KIF26B: variants seen among roughly 807,000 people sequenced by gnomAD.
The protein encoded by KIF26B is kinesin-like protein KIF26B.
KIF26B carries 63 observed loss-of-function variants against 151.2 expected under a neutral mutation model. That is an observed-to-expected ratio of 0.42 (90% CI 0.34 to 0.51). The LOEUF (loss-of-function observed/expected upper bound fraction) is 0.51, where lower values mean the gene tolerates loss of function less well. Among genes scored for constraint, KIF26B ranks in the 20% least tolerant of loss-of-function variants. KIF26B has a pLI of 0.07. For missense variants in KIF26B, 2,813 were observed against 2,913.6 expected (o/e 0.97, Z 0.79); for synonymous variants, 1,357 against 1,262.1 (o/e 1.08, Z -1.59).
chr1:245,422,284 C>T (rs954061737), intron 4 of KIF26B, among the ~76,000 whole-genome samples: 1 of 151,914 alleles, frequency 6.6e-6, no homozygotes, highest in Admixed American at 6.6e-5. Flanking sequence ...TATAGATTTC[C>T]CCCCCACCCT....
chr1:245,379,789 G>A (rs747524890), intron 3 of KIF26B, among the ~76,000 whole-genome samples: 2 of 151,946 alleles, frequency 1.3e-5, no homozygotes, highest in Non-Finnish European at 2.9e-5. Context: ...TGGCTAAGAT[G>A]CTGAAACCCC....
In KIF26B at chr1:245,367,149, G is replaced by T. The variant is rs538698748; in HGVS notation, c.781G>T (p.Ala261Ser). The change falls in exon 3 of 15, where the codon GCC becomes TCC. Residue 261 changes from alanine to serine, a missense_variant. Ala to Ser is a moderately conservative substitution (Grantham distance 99, BLOSUM62 1). Coordinates refer to ENST00000407071, the MANE Select transcript of KIF26B (RefSeq NM_018012.4). This position sits in a 1 kb window ranked among gnomAD's most constrained non-coding sequence, Gnocchi z 4.2. ...TGCCACCTCCAACTACACAGGCTTC[G>T]CCAACAAGCACGGCAGCAAACCCAG... ...PCATSNYTGFANKHGSKPSSL... is the reference protein window; with the variant it reads ...PCATSNYTGFSNKHGSKPSSL... 3 of 1,602,500 alleles carry T rather than the reference G, an allele frequency of 1.9e-6. No individual in the cohort carries two copies. The highest frequency in any genetic ancestry group is 2.6e-6 in the Non-Finnish European group (3 of 1,174,498).
At chr1:245,350,776 ATCTCT>A (rs1672551985) in intron 2 of KIF26B, among the ~76,000 whole-genome samples, 1 of 152,200 alleles carries the variant, frequency 6.6e-6, no homozygotes, top group Non-Finnish European at 1.5e-5. Flanking sequence ...GAGAGGGGAC[ATCTCT>A]TCTCTTTGGT....
intron 2 of KIF26B, among the ~76,000 whole-genome samples, chr1:245,361,458 G>A (rs996212864): frequency 6.6e-6 from 1 of 152,192 alleles, no homozygotes; most frequent in African/African-American, 2.4e-5. Flanking sequence ...TTTACATTCA[G>A]CGTGTTCACG....
At chr1:245,684,121 G>A in intron 10 of KIF26B, 112 bp from the exon 11 acceptor site, 2 of 1,143,716 alleles carry the variant, frequency 1.7e-6, no homozygotes, top group Non-Finnish European at 2.5e-6. Flanking sequence ...ATTAAAAAGG[G>A]TGGGGGGACC....
chr1:245,160,888 C>T (rs1668520255), intron 2 of KIF26B, among the ~76,000 whole-genome samples: 1 of 152,076 alleles, frequency 6.6e-6, no homozygotes, highest in African/African-American at 2.4e-5. Context: ...TAGATATCCC[C>T]ACATGCATAT....
rs983187196 is a variant in KIF26B, at chr1:245,227,595, G to A, written c.465+70912G>A. ...GTGGAATTTAAAACTTGTAATGATA[G>A]GAGAAGGGAAGAACACAGTTACAGT... On this transcript the variant is annotated intron_variant, in intron 2 of 14. Transcript: ENST00000407071. This position sits in a 1 kb window ranked among gnomAD's most constrained non-coding sequence, Gnocchi z 4.1. 6.6e-6 allele frequency among the ~76,000 whole-genome samples: 1 copy of A among 152,212 alleles called. No individual in the cohort carries two copies. The highest frequency in any genetic ancestry group is 2.4e-5 in the African/African-American group (1 of 41,460).
At chr1:245,669,104 C>T (rs78461995) in intron 10 of KIF26B, among the ~76,000 whole-genome samples, 76 of 152,182 alleles carry the variant, frequency 5.0e-4, no homozygotes, top group Non-Finnish European at 9.1e-4. Context: ...ATTTGTTCCT[C>T]GACAATACAC....
intron 3 of KIF26B, among the ~76,000 whole-genome samples, chr1:245,417,674 G>T (rs1287965582): frequency 1.3e-5 from 2 of 152,314 alleles, no homozygotes; most frequent in South Asian, 2.1e-4. Flanking sequence ...AAATTCATTT[G>T]CCCAGAGACA....
chr1:245,568,134 G>A (rs60628562), intron 5 of KIF26B, among the ~76,000 whole-genome samples: 13,141 of 133,784 alleles, frequency 0.098, 706 homozygotes, highest in Middle Eastern at 0.2. Flanking sequence ...GCAGTGAGCC[G>A]AGATCATGTC....
intron 2 of KIF26B, among the ~76,000 whole-genome samples, chr1:245,185,207 T>C (rs1350263042): frequency 6.6e-6 from 1 of 151,886 alleles, no homozygotes; most frequent in African/African-American, 2.4e-5. Flanking sequence ...GGTGCAATCT[T>C]GGTTCACTGC....
chr1:245,657,453 T>C (rs1328140605), intron 10 of KIF26B, among the ~76,000 whole-genome samples: 2 of 152,194 alleles, frequency 1.3e-5, no homozygotes, highest in Non-Finnish European at 2.9e-5. Flanking sequence ...AAGACGGGAT[T>C]TTTGTTTTCT....
chr1:245,260,051 A>G (rs1487675786), intron 2 of KIF26B, among the ~76,000 whole-genome samples: 5 of 151,796 alleles, frequency 3.3e-5, no homozygotes, highest in African/African-American at 1.2e-4. Context: ...GAGAGGTGAA[A>G]GGATGTACCT....
intron 14 of KIF26B, among the ~76,000 whole-genome samples, chr1:245,701,010 A>G (rs138026739): frequency 1.9e-3 from 285 of 152,236 alleles, no homozygotes; most frequent in African/African-American, 6.6e-3. Flanking sequence ...GGCAGACTTG[A>G]CTTGAAAATT....
rs779424829 is a variant in KIF26B, at chr1:245,686,738, G to C, written c.3755G>C (p.Ser1252Thr). ...AGCACGGCCCCCGTCTCCGAGGTCA[G>C]CATCACACAGTTCTTGCCCCTCCCG... ...YSSTAPVSEV[S>T]ITQFLPLPKM... The change falls in exon 12 of 15, where the codon AGC (serine) becomes ACC (threonine). Residue 1252 changes from serine to threonine, a missense_variant. Ser to Thr is a moderately conservative substitution (Grantham distance 58). Around this residue, in one of 3 missense-constraint regions of KIF26B, gnomAD observed 2,060 missense variants for 2,088.6 expected, o/e 0.99. Transcript: ENST00000407071. This position sits in a 1 kb window ranked among gnomAD's most constrained non-coding sequence, Gnocchi z 5.6. 11 of 1,613,502 alleles carry C rather than the reference G, an allele frequency of 6.8e-6. No individual in the cohort carries two copies. Among genetic ancestry groups the C allele is most frequent in the Non-Finnish European group, 9.3e-6 (11 of 1,179,846 alleles).
intron 4 of KIF26B, among the ~76,000 whole-genome samples, chr1:245,506,782 G>A (rs963164130): frequency 6.6e-6 from 1 of 152,210 alleles, no homozygotes; most frequent in African/African-American, 2.4e-5. Flanking sequence ...CTGGGTTCAA[G>A]CAATTCTCCT....
At chr1:245,196,626 C>T (rs1390013334) in intron 2 of KIF26B, among the ~76,000 whole-genome samples, 1 of 152,138 alleles carries the variant, frequency 6.6e-6, no homozygotes, top group Non-Finnish European at 1.5e-5. Context: ...AGAACCACTG[C>T]CATAGCCAAG....
chr1:245,257,578 G>A (rs903761255), intron 2 of KIF26B, among the ~76,000 whole-genome samples: 2 of 152,102 alleles, frequency 1.3e-5, no homozygotes, highest in Non-Finnish European at 2.9e-5. Flanking sequence ...TACTCTTCAG[G>A]GCCCGTCGTG....
chr1:245,179,774 G>T (rs1322263720), intron 2 of KIF26B, among the ~76,000 whole-genome samples: 1 of 152,228 alleles, frequency 6.6e-6, no homozygotes, highest in Non-Finnish European at 1.5e-5. Context: ...TCCAGGAGGT[G>T]TCAGAAAGAC....
Sources: allele counts gnomAD v4.1 joint callset (sites outside exome capture counted in the v4.1 genomes callset), GRCh38; gene constraint gnomAD v4.1.1; regional missense constraint gnomAD v4.1.1; non-coding constraint Gnocchi (gnomAD v3.1); transcripts MANE v1.5; gene names NCBI Gene and HGNC (gene_info 2026-07-23, HGNC 2026-07-21).